The following HPN variants were observed in gnomAD, a reference collection of about 807,000 sequenced individuals.
The protein encoded by HPN is hepsin.
Under a neutral mutation model 55.9 loss-of-function variants are expected in HPN, and 13 were observed. That is an observed-to-expected ratio of 0.23 (90% confidence interval 0.15 to 0.37). The LOEUF is 0.37. Ranked by LOEUF, HPN falls within the 10% of genes least tolerant of loss-of-function variation. The pLI is 1.00. For synonymous variants in HPN, 225 were observed against 240.3 expected, an observed-to-expected ratio of 0.94 and a Z score of 0.59; for missense variants, 451 against 575.8, an observed-to-expected ratio of 0.78 and a Z score of 2.22.
chr19:35,054,104 T>C (rs1169353633), intron 4 of HPN, among the ~76,000 whole-genome samples: 1 of 152,116 alleles, frequency 6.6e-6, no homozygotes, highest in African/African-American at 2.4e-5. Context: ...AGTTTTCCCA[T>C]CTGTAAGATG....
intron 2 of HPN, among the ~76,000 whole-genome samples, chr19:35,048,082 A>AAGAAAGAAAGAAAGGAAAAAGG (rs111546288): frequency 1.0e-5 from 1 of 96,984 alleles, no homozygotes; most frequent in Non-Finnish European, 2.1e-5. Context: ...GAAAGAAAGA[A>AAGAAAGAAAGAAAGGAAAAAGG]AAGGAAGGAA....
At position 35,059,858 on chromosome 19, in the gene HPN, C is replaced by A; in HGVS notation, c.291-16C>A. The A allele has an allele frequency of 6.6e-7, 1 of 1,504,394 alleles. No individual in the cohort carries two copies. The highest frequency in any genetic ancestry group is 2.3e-5 in the Admixed American group (1 of 43,508). The allele number at this position is 1,504,394 out of a possible 1,614,324, so 93.2% of individuals were successfully genotyped here. On this transcript the variant is annotated splice_polypyrimidine_tract_variant and intron_variant, in intron 5 of 12. Coordinates refer to ENST00000672452, the MANE Select transcript of HPN (RefSeq NM_001384133.1). ...GGGAGGGGCTGGGGAGCAGGCCTAACCCCTGCCCCGCCCAGGGCACTGACC... is the reference window on the plus strand; with the variant it reads ...GGGAGGGGCTGGGGAGCAGGCCTAAACCCTGCCCCGCCCAGGGCACTGACC...
At position 35,066,269 on chromosome 19, in the gene HPN, C is replaced by T. The variant is rs1482738105; in HGVS notation, c.1236C>T (p.Gly412=). The change falls in exon 13 of 13, where the codon GGC becomes GGT. Residue 412 remains glycine, a synonymous_variant. Coordinates refer to ENST00000672452, the MANE Select transcript of HPN (RefSeq NM_001384133.1). ...CCCAGACTCACTCCGAAGCCAGCGG[C>T]ATGGTGACCCAGCTCTGACCGGTGG... The part of the protein sequence containing the change: ...QAIKTHSEAS[G]MVTQL 7.0e-5 allele frequency: 113 copies of T among 1,613,346 alleles called. No individual in the cohort carries two copies. The highest frequency in any genetic ancestry group is 9.5e-5 in the Non-Finnish European group (112 of 1,179,748).
At chr19:35,059,481 T>TA (rs1391936727) in intron 4 of HPN, 192 bp from the exon 5 acceptor site, 12 of 755,778 alleles carry the variant, frequency 1.6e-5, no homozygotes, top group East Asian at 2.7e-5. Context: ...GACCCTGTCT[T>TA]TAAAAAAAAA....
At chr19:35,042,614 T>C (rs2064305462) in intron 2 of HPN, 92 bp downstream of exon 2, 1 of 1,087,166 alleles carries the variant, frequency 9.2e-7, no homozygotes, top group African/African-American at 1.6e-5. Context: ...CGGAGCCCCC[T>C]CTCTCTGGGC....
chr19:35,060,601 C>G (rs1313512687), intron 8 of HPN, 26 bp from the exon 9 acceptor site: 1 of 1,612,426 alleles, frequency 6.2e-7, no homozygotes, highest in Non-Finnish European at 8.5e-7. Flanking sequence ...AGGCAGGTGG[C>G]CACCCTCCAC....
intron 4 of HPN, among the ~76,000 whole-genome samples, chr19:35,049,851 ATTTTTGTTTG>A (rs1442656444): frequency 1.6e-5 from 2 of 125,904 alleles, no homozygotes; most frequent in African/African-American, 5.7e-5. Context: ...GGTTATGCTA[ATTTTTGTTTG>A]TTTTTTTTTT....
chr19:35,041,993 C>T, intron 1 of HPN, 121 bp downstream of exon 1: 2 of 1,179,368 alleles, frequency 1.7e-6, no homozygotes, highest in Non-Finnish European at 1.1e-6. Context: ...GAAGAGGGGG[C>T]ACTATGACGT....
intron 5 of HPN, 23 bp downstream of exon 5, chr19:35,059,825 T>G (rs1181953438): frequency 2.6e-6 from 4 of 1,537,672 alleles, no homozygotes; most frequent in Non-Finnish European, 2.6e-6. Flanking sequence ...CTCGGAGGGG[T>G]GGGAGCCGGG....
intron 4 of HPN, 101 bp from the exon 5 acceptor site, chr19:35,059,572 C>A (rs1487015010): frequency 1.4e-6 from 2 of 1,459,256 alleles, no homozygotes; most frequent in Non-Finnish European, 9.3e-7. Flanking sequence ...CACGTCTACA[C>A]CACATGGCTG....
At chr19:35,042,006 C>A (rs1409282569) in intron 1 of HPN, 134 bp downstream of exon 1, 2 of 1,171,976 alleles carry the variant, frequency 1.7e-6, no homozygotes, top group Admixed American at 4.0e-5. Context: ...TATGACGTCC[C>A]CCCAAGCACC....
upstream of HPN, chr19:35,041,701 G>A (rs1243741773): frequency 3.3e-6 from 1 of 305,856 alleles, no homozygotes; most frequent in South Asian, 8.7e-5. Context: ...CCCGCCCCTC[G>A]CCCAGCCCCC....
In HPN at chr19:35,065,551, G is replaced by T. The variant is rs760337637; in HGVS notation, c.920G>T (p.Gly307Val). 8 of 1,613,940 alleles carry T rather than the reference G, an allele frequency of 5.0e-6. No individual in the cohort carries two copies. The Middle Eastern group carries it at 4.9e-4, about 99-fold the overall frequency. ...GNTQYYGQQA[G>V]VLQEARVPII... Reference sequence around the variant, plus strand: ...TGCACACCCCCAGGCCAACAGGCCGGGGTACTCCAGGAGGCTCGAGTCCCC... The same window carrying T: ...TGCACACCCCCAGGCCAACAGGCCGTGGTACTCCAGGAGGCTCGAGTCCCC... The change falls in exon 11 of 13, where the codon GGG (glycine) becomes GTG (valine). Residue 307 changes from glycine to valine, a missense_variant. Physicochemically the swap from Gly to Val is moderately radical, Grantham distance 109. Around this residue, in one of 2 missense-constraint regions of HPN, gnomAD observed 378 missense variants for 445.5 expected, o/e 0.85. Coordinates refer to ENST00000672452, the MANE Select transcript of HPN (RefSeq NM_001384133.1).
chr19:35,051,978 G>A (rs1002595241), intron 4 of HPN, among the ~76,000 whole-genome samples: 1 of 152,128 alleles, frequency 6.6e-6, no homozygotes, highest in Non-Finnish European at 1.5e-5. Context: ...TAGTGTGGAG[G>A]CCCCTCTCCA....
upstream of HPN, chr19:35,041,672 G>GCCCCCCCCCCCC: frequency 2.7e-6 from 3 of 1,130,684 alleles, no homozygotes; most frequent in South Asian, 1.6e-5. Flanking sequence ...GAATGGTCCG[G>GCCCCCCCCCCCC]CCCCTCCCCG....
chr19:35,047,154 C>T (rs890682170), intron 2 of HPN, among the ~76,000 whole-genome samples: 2 of 152,184 alleles, frequency 1.3e-5, no homozygotes, highest in Non-Finnish European at 2.9e-5. Context: ...TCTCCAGGAC[C>T]TCTTTGCCCT....
Position 35,041,775 on chromosome 19 carries a change from C to A in HPN, c.-152C>A, listed in dbSNP as rs778907250. Reference sequence around the variant, plus strand: ...CGCCACCGCCTCTGCCTCCAGGCCGCCCGCTGCTGCGGGGCCACCATGCTC... The same window carrying A: ...CGCCACCGCCTCTGCCTCCAGGCCGACCGCTGCTGCGGGGCCACCATGCTC... On this transcript the variant is annotated 5_prime_UTR_variant, in exon 1 of 13. Coordinates refer to ENST00000672452, the MANE Select transcript of HPN (RefSeq NM_001384133.1). 1.5e-6 allele frequency: 2 copies of A among 1,311,808 alleles called. No individual in the cohort carries two copies. The highest frequency in any genetic ancestry group is 2.0e-6 in the Non-Finnish European group (2 of 1,003,806). 81.3% of individuals were successfully genotyped at this position (1,311,808 alleles called of 1,614,324 possible).
At chr19:35,062,246 G>A (rs1020527641) in intron 9 of HPN, among the ~76,000 whole-genome samples, 2 of 152,116 alleles carry the variant, frequency 1.3e-5, no homozygotes, top group African/African-American at 4.8e-5. Flanking sequence ...AGGACACAAG[G>A]TTTCTTGTCT....
At chr19:35,058,893 A>G (rs983638594) in intron 4 of HPN, among the ~76,000 whole-genome samples, 10 of 152,202 alleles carry the variant, frequency 6.6e-5, no homozygotes, top group African/African-American at 1.9e-4. Flanking sequence ...ATAAAATGTT[A>G]TCAGAAATCT....
Sources: gnomAD v4.1 joint callset for allele counts (sites outside exome capture counted in the v4.1 genomes callset) on GRCh38, gnomAD v4.1.1 for gene constraint, gnomAD v4.1.1 regional missense constraint, MANE v1.5 for transcripts, NCBI Gene and HGNC (gene_info 2026-07-23, HGNC 2026-07-21) for gene names.